The following EPHA5 variants were observed in gnomAD, a reference collection of about 807,000 sequenced individuals.
EPHA5 encodes the protein EPH receptor A5, also known as ephrin type-A receptor 5.
A neutral mutation model predicts 105.0 loss-of-function variants in EPHA5; 60 were observed. That is an observed-to-expected ratio of 0.57 (90% confidence interval 0.46 to 0.71). The LOEUF (loss-of-function observed/expected upper bound fraction) is 0.71. Ranked by LOEUF, EPHA5 falls within the 30% of genes least tolerant of loss-of-function variation. EPHA5 has a pLI of 0.00. For missense variants in EPHA5, 1,218 were observed against 1,274.7 expected (o/e 0.96, Z 0.68); for synonymous variants, 513 against 449.1 (o/e 1.14, Z -1.80).
At chr4:65,417,272 G>C (rs981543739) in intron 6 of EPHA5, among the ~76,000 whole-genome samples, 2 of 152,160 alleles carry the variant, frequency 1.3e-5, no homozygotes, top group Non-Finnish European at 2.9e-5. Flanking sequence ...ACCTGTGTCT[G>C]GCCAAAAGCC....
chr4:65,621,156 T>G (rs985764506), intron 2 of EPHA5, among the ~76,000 whole-genome samples: 1 of 152,204 alleles, frequency 6.6e-6, no homozygotes, highest in Non-Finnish European at 1.5e-5. Flanking sequence ...TAATGAACAC[T>G]GCAGGGATAC....
intron 5 of EPHA5, among the ~76,000 whole-genome samples, chr4:65,421,369 A>G (rs1432978439): frequency 2.6e-5 from 4 of 152,144 alleles, no homozygotes; most frequent in African/African-American, 7.2e-5. Context: ...ATAGTAATCT[A>G]TGGGCCTCCT....
intron 15 of EPHA5, among the ~76,000 whole-genome samples, chr4:65,334,523 G>T (rs913879165): frequency 4.6e-5 from 7 of 151,934 alleles, no homozygotes; most frequent in Non-Finnish European, 1.0e-4. Flanking sequence ...CATCTACATG[G>T]TTATTGAAGT....
At chr4:65,418,344 C>A (rs966607191) in intron 6 of EPHA5, among the ~76,000 whole-genome samples, 1 of 151,904 alleles carries the variant, frequency 6.6e-6, no homozygotes, top group Non-Finnish European at 1.5e-5. Context: ...AAATTGTAGA[C>A]CTCTGGAATT....
At chr4:65,352,102 A>G (rs1216123081) in intron 12 of EPHA5, among the ~76,000 whole-genome samples, 1 of 152,002 alleles carries the variant, frequency 6.6e-6, no homozygotes, top group Non-Finnish European at 1.5e-5. Flanking sequence ...TGTCAAGGGC[A>G]CTGAAATTAT....
chr4:65,325,884 T>C (rs1257091174), intron 16 of EPHA5, among the ~76,000 whole-genome samples: 1 of 151,070 alleles, frequency 6.6e-6, no homozygotes, highest in Non-Finnish European at 1.5e-5. Flanking sequence ...ATCCTTGGCC[T>C]CTGCCCACTA....
chr4:65,552,548 A>T (rs575039291), intron 3 of EPHA5, among the ~76,000 whole-genome samples: 4 of 152,160 alleles, frequency 2.6e-5, no homozygotes, highest in Non-Finnish European at 5.9e-5. Flanking sequence ...CTCTTTAAGA[A>T]GTGGGAGGTG....
intron 3 of EPHA5, among the ~76,000 whole-genome samples, chr4:65,549,866 G>C (rs1271207810): frequency 6.6e-6 from 1 of 152,002 alleles, no homozygotes; most frequent in African/African-American, 2.4e-5. Flanking sequence ...ATTAAAACAA[G>C]TTCCTGTCCT....
At chr4:65,398,885 C>T (rs1721522454) in intron 8 of EPHA5, among the ~76,000 whole-genome samples, 1 of 152,194 alleles carries the variant, frequency 6.6e-6, no homozygotes, top group South Asian at 2.1e-4. Flanking sequence ...CAATAAAGCA[C>T]CCCTTAACCT....
At chr4:65,362,983 T>C (rs1717481551) in intron 11 of EPHA5, among the ~76,000 whole-genome samples, 1 of 151,678 alleles carries the variant, frequency 6.6e-6, no homozygotes, top group African/African-American at 2.4e-5. Flanking sequence ...GTACGCATAG[T>C]GTTCAAAAGA....
chr4:65,630,938 C>T (rs1438745701), intron 2 of EPHA5, among the ~76,000 whole-genome samples: 2 of 152,036 alleles, frequency 1.3e-5, no homozygotes, highest in Non-Finnish European at 2.9e-5. Context: ...AATATTTTAT[C>T]TTATTAATAA....
chr4:65,419,526 C>A (rs1287337109), intron 6 of EPHA5, among the ~76,000 whole-genome samples: 2 of 152,128 alleles, frequency 1.3e-5, no homozygotes, highest in African/African-American at 2.4e-5. Context: ...CTCCATAGGA[C>A]CAATATTTCT....
intron 3 of EPHA5, among the ~76,000 whole-genome samples, chr4:65,510,795 C>T (rs1733546219): frequency 6.6e-6 from 1 of 152,152 alleles, no homozygotes; most frequent in Non-Finnish European, 1.5e-5. Flanking sequence ...CTGGCATGTG[C>T]CTGACATAGT....
chr4:65,573,495 G>C (rs1740452393), intron 3 of EPHA5: 2 of 1,574,868 alleles, frequency 1.3e-6, no homozygotes, highest in Non-Finnish European at 1.7e-6. Context: ...AGATACTAAA[G>C]AGAAGAAACC....
At chr4:65,589,986 CA>C (rs1388923566) in intron 3 of EPHA5, among the ~76,000 whole-genome samples, 1 of 152,098 alleles carries the variant, frequency 6.6e-6, no homozygotes, top group Admixed American at 6.6e-5. Context: ...TTGAATTCAT[CA>C]GAGGAAAAGC....
chr4:65,447,485 A>T (rs1726662504), intron 5 of EPHA5, among the ~76,000 whole-genome samples: 1 of 149,986 alleles, frequency 6.7e-6, no homozygotes, highest in Non-Finnish European at 1.5e-5. Flanking sequence ...ATATATATTA[A>T]ACTTTATATA....
At chr4:65,500,596 C>T (rs1163465302) in intron 3 of EPHA5, among the ~76,000 whole-genome samples, 1 of 149,576 alleles carries the variant, frequency 6.7e-6, no homozygotes, top group African/African-American at 2.4e-5. Flanking sequence ...GCCATATTTT[C>T]AATTAAATTT....
rs1360962840 is a variant in EPHA5 at position 65,320,898 on chromosome 4, C to A, written c.*3216G>T. ...TATAATTTTTACAGTAATCTTACAA[C>A]CTTAGAATACTGACTTGGTAATTGA... is the stretch of plus-strand genomic sequence containing the variant. On this transcript the variant is annotated 3_prime_UTR_variant, in exon 17 of 17. Coordinates refer to ENST00000613740, the MANE Select transcript of EPHA5 (RefSeq NM_001281766.3). 4.3e-6 allele frequency: 1 copy of A among 230,002 alleles called. No homozygotes were observed. The highest frequency in any genetic ancestry group is 2.2e-5 in the African/African-American group (1 of 45,102). 14.2% of individuals were successfully genotyped at this position (230,002 alleles called of 1,614,324 possible).
At chr4:65,344,208 T>C (rs974600399) in intron 14 of EPHA5, among the ~76,000 whole-genome samples, 1 of 152,114 alleles carries the variant, frequency 6.6e-6, no homozygotes, top group Non-Finnish European at 1.5e-5. Flanking sequence ...CAGGCTGAGA[T>C]GTAATTGGGC....
Sources: gnomAD v4.1 joint callset for allele counts (sites outside exome capture counted in the v4.1 genomes callset) on GRCh38, gnomAD v4.1.1 for gene constraint, MANE v1.5 for transcripts, NCBI Gene and HGNC (gene_info 2026-07-23, HGNC 2026-07-21) for gene names.